Variants in MTX2 observed in about 807,000 individuals in gnomAD.
The protein encoded by MTX2 is metaxin-2.
In MTX2, 35 loss-of-function variants were observed where a neutral mutation model predicts 42.3. That is an observed-to-expected ratio of 0.83 (90% CI 0.63 to 1.10). MTX2 has a LOEUF of 1.10. Among genes scored for constraint, MTX2 ranks in the 50% least tolerant of loss-of-function variants. The pLI is 0.00. For missense variants in MTX2, 307 were observed against 304.1 expected (o/e 1.01, Z -0.07); for synonymous variants, 119 against 100.9 (o/e 1.18, Z -1.08).
At chr2:176,331,564 T>A (rs974354967) in intron 9 of MTX2, among the ~76,000 whole-genome samples, 1 of 151,180 alleles carries the variant, frequency 6.6e-6, no homozygotes, top group Non-Finnish European at 1.5e-5. Flanking sequence ...AGTTTGGAAA[T>A]ATTTAAGTTA....
At chr2:176,334,775 TAGATACTGTGCTA>T (rs1261115205) in intron 9 of MTX2, among the ~76,000 whole-genome samples, 1 of 152,060 alleles carries the variant, frequency 6.6e-6, no homozygotes, top group East Asian at 1.9e-4. Context: ...TTCAGTTCCT[TAGATACTGTGCTA>T]AGAACTGGGA....
At chr2:176,320,864 C>G (rs1240725522) in intron 3 of MTX2, among the ~76,000 whole-genome samples, 2 of 151,726 alleles carry the variant, frequency 1.3e-5, no homozygotes, top group Non-Finnish European at 2.9e-5. Context: ...CCAGCTAATT[C>G]TTTAAACTCT....
chr2:176,337,006 A>G (rs1249158392), intron 9 of MTX2, among the ~76,000 whole-genome samples: 1 of 152,196 alleles, frequency 6.6e-6, no homozygotes, highest in Admixed American at 6.5e-5. Context: ...AAAATGGTGC[A>G]GTGTTTGCAT....
At chr2:176,287,915 C>T (rs1439097785) in intron 1 of MTX2, among the ~76,000 whole-genome samples, 46 of 146,740 alleles carry the variant, frequency 3.1e-4, no homozygotes, top group Non-Finnish European at 1.1e-4. Flanking sequence ...TTTTTTTTAA[C>T]GTTTATGGAA....
chr2:176,298,807 ATATTT>A (rs1683954626), intron 3 of MTX2, among the ~76,000 whole-genome samples: 1 of 152,150 alleles, frequency 6.6e-6, no homozygotes. Context: ...GGCACTGTGA[ATATTT>A]TAGTTGAAGC....
At chr2:176,301,668 T>C (rs939755305) in intron 3 of MTX2, among the ~76,000 whole-genome samples, 1 of 152,176 alleles carries the variant, frequency 6.6e-6, no homozygotes, top group African/African-American at 2.4e-5. Flanking sequence ...TTGCTGCATA[T>C]TGGTCTAGTC....
intron 3 of MTX2, among the ~76,000 whole-genome samples, chr2:176,301,948 C>T (rs540390468): frequency 2.3e-4 from 35 of 152,062 alleles, no homozygotes; most frequent in African/African-American, 7.9e-4. Context: ...AGAATTAGTG[C>T]CTATTTTGAC....
chr2:176,278,367 C>G (rs1692999729), intron 1 of MTX2, among the ~76,000 whole-genome samples: 1 of 152,020 alleles, frequency 6.6e-6, no homozygotes, highest in South Asian at 2.1e-4. Flanking sequence ...AAATTCTTAA[C>G]AGCAATATTA....
At chr2:176,326,482 C>G in intron 4 of MTX2, among the ~76,000 whole-genome samples, 1 of 151,664 alleles carries the variant, frequency 6.6e-6, no homozygotes, top group South Asian at 2.1e-4. Flanking sequence ...GGTCATGTAC[C>G]AGTGTCCTGG....
At chr2:176,331,918 G>A (rs1398907642) in intron 9 of MTX2, among the ~76,000 whole-genome samples, 1 of 151,218 alleles carries the variant, frequency 6.6e-6, no homozygotes, top group Non-Finnish European at 1.5e-5. Flanking sequence ...GAGGCCAGGA[G>A]AATAGATCTA....
chr2:176,294,174 T>G (rs1683782588), intron 1 of MTX2, among the ~76,000 whole-genome samples: 1 of 152,170 alleles, frequency 6.6e-6, no homozygotes, highest in Admixed American at 6.5e-5. Context: ...GGAAGCTTCT[T>G]TAGTCTTATT....
intron 3 of MTX2, among the ~76,000 whole-genome samples, chr2:176,306,116 G>A (rs763026412): frequency 1.3e-5 from 2 of 150,992 alleles, no homozygotes; most frequent in Admixed American, 6.6e-5. Context: ...GCCCTGTGTC[G>A]AAGTGATCTC....
At position 176,315,767 on chromosome 2, in the gene MTX2, A is replaced by G. The variant is rs191016057; in HGVS notation, c.136-7625A>G. 3.3e-5 allele frequency among the ~76,000 whole-genome samples: 5 copies of G among 152,270 alleles called. No homozygotes were observed. In the East Asian group the frequency reaches 9.7e-4, roughly 29 times the overall value. On this transcript the variant is annotated intron_variant, in intron 3 of 9. Coordinates refer to ENST00000249442, the MANE Select transcript of MTX2 (RefSeq NM_006554.5). ...ACTGGTCTTGTTAACTGTTGCTGAA[A>G]CATAGTTGAAGCACAAGCCTGCTTC...
intron 3 of MTX2, among the ~76,000 whole-genome samples, chr2:176,308,921 T>A (rs1684222884): frequency 6.6e-6 from 1 of 152,216 alleles, no homozygotes; most frequent in Non-Finnish European, 1.5e-5. Flanking sequence ...AGTTATTTCT[T>A]GCCTTCTGCT....
chr2:176,314,030 A>G (rs950069404), intron 3 of MTX2, among the ~76,000 whole-genome samples: 1 of 152,126 alleles, frequency 6.6e-6, no homozygotes, highest in African/African-American at 2.4e-5. Context: ...CATTTTCTGA[A>G]CTGTGTATTG....
intron 1 of MTX2, among the ~76,000 whole-genome samples, 197 bp downstream of exon 1, chr2:176,269,866 C>A (rs1420754644): frequency 6.6e-6 from 1 of 152,144 alleles, no homozygotes; most frequent in African/African-American, 2.4e-5. Context: ...AAGGTCACCC[C>A]GCAGGAGCAG....
intron 3 of MTX2, 47 bp from the exon 4 acceptor site, chr2:176,323,345 A>G: frequency 2.7e-6 from 4 of 1,463,416 alleles, no homozygotes; most frequent in Non-Finnish European, 2.9e-6. Flanking sequence ...CTGTTCAAAT[A>G]TGCATATGCT....
chr2:176,270,544 C>A, intron 1 of MTX2: 1 of 518,212 alleles, frequency 1.9e-6, no homozygotes, highest in Non-Finnish European at 3.2e-6. Context: ...GTCATAACTC[C>A]CTAGCAGTGT....
intron 3 of MTX2, among the ~76,000 whole-genome samples, chr2:176,309,525 C>CTT (rs545688601): frequency 1.6e-3 from 243 of 152,188 alleles, no homozygotes; most frequent in African/African-American, 5.5e-3. Flanking sequence ...GTGTGGGAGT[C>CTT]TAAGTCTCTT....
Sources: gnomAD v4.1 joint callset for allele counts (sites outside exome capture counted in the v4.1 genomes callset) on GRCh38, gnomAD v4.1.1 for gene constraint, MANE v1.5 for transcripts, NCBI Gene and HGNC (gene_info 2026-07-23, HGNC 2026-07-21) for gene names.